The following MEGF8 variants were observed in gnomAD, a reference collection of about 807,000 sequenced individuals.
MEGF8 encodes the protein multiple epidermal growth factor-like domains protein 8.
A neutral mutation model predicts 302.9 loss-of-function variants in MEGF8; 156 were observed. The ratio of observed to expected loss-of-function variants is 0.52; its 90% CI spans 0.45 to 0.59. The LOEUF (loss-of-function observed/expected upper bound fraction) is 0.59. Among genes scored for constraint, MEGF8 ranks in the 20% least tolerant of loss-of-function variants. The pLI is 0.00. For synonymous variants in MEGF8, 1,621 were observed against 1,660.5 expected (o/e 0.98, Z 0.58); for missense variants, 3,345 against 3,964.5 (o/e 0.84, Z 4.20).
chr19:42,330,846 A>T (rs926800416), intron 1 of MEGF8, among the ~76,000 whole-genome samples: 7 of 152,154 alleles, frequency 4.6e-5, no homozygotes, highest in African/African-American at 1.4e-4. Context: ...TGGTGGTGGG[A>T]AGGGATAATA....
At chr19:42,328,590 G>GTGTGTGTGTGTGTGTGTGTGGC (rs57025235) in intron 1 of MEGF8, among the ~76,000 whole-genome samples, 1 of 151,684 alleles carries the variant, frequency 6.6e-6, no homozygotes, top group African/African-American at 2.4e-5. Flanking sequence ...GTGTGTGTGT[G>GTGTGTGTGTGTGTGTGTGTGGC]GCGAAGGGGT....
At chr19:42,341,502 A>G (rs186102631) in intron 8 of MEGF8, among the ~76,000 whole-genome samples, 7 of 151,518 alleles carry the variant, frequency 4.6e-5, no homozygotes, top group Admixed American at 1.3e-4. Context: ...AGGCCTCCCT[A>G]TGTTGCCCAG....
At chr19:42,365,520 C>T (rs1307409111) in intron 35 of MEGF8, among the ~76,000 whole-genome samples, 1 of 150,898 alleles carries the variant, frequency 6.6e-6, no homozygotes, top group Non-Finnish European at 1.5e-5. Context: ...AATCCCAACA[C>T]TTCAAGAAGC....
intron 41 of MEGF8, among the ~76,000 whole-genome samples, chr19:42,374,403 A>G (rs866735483): frequency 8.6e-5 from 13 of 150,436 alleles, no homozygotes; most frequent in African/African-American, 2.9e-4. Flanking sequence ...CCCGGGAGGC[A>G]GAGGTTGCAG....
In MEGF8 at chr19:42,352,587, C is replaced by G; in HGVS notation, c.3350+131C>G. 8.3e-7 allele frequency: 1 copy of G among 1,198,656 alleles called. No individual in the cohort carries two copies. The highest frequency in any genetic ancestry group is 2.9e-4 in the Middle Eastern group (1 of 3,482). 74.3% of individuals were successfully genotyped at this position (1,198,656 alleles called of 1,614,324 possible). A position where few individuals can be genotyped will look rare whatever the true frequency, so the allele number is the denominator to read the frequency against. On this transcript the variant is annotated intron_variant, in intron 19 of 41. Transcript: ENST00000251268. The surrounding 1 kb of genome is among the most constrained non-coding windows in gnomAD (Gnocchi z 4.4). The stretch of plus-strand genomic sequence containing the variant: ...ATCCCCAGTTAGCCAGGGGTTTTTA[C>G]CTTGCACACTAGGTCCTTATTAGAG...
rs184875627 is a variant in MEGF8, at chr19:42,366,606, C to T, written c.6274-1849C>T. The stretch of plus-strand genomic sequence containing the variant: ...TCTCATCCTCCCTCCCTCTCTTCAG[C>T]GAATTTATCATTGAGCACCTTCTTT... On this transcript the variant is annotated intron_variant, in intron 35 of 41. Transcript: ENST00000251268. Among the ~76,000 whole-genome samples the T allele has an allele frequency of 7.0e-4, 107 of 152,316 alleles. 1 individual carries two copies. The highest frequency in any genetic ancestry group is 6.6e-3 in the Admixed American group (101 of 15,298).
chr19:42,374,881 T>G (rs1183800465), intron 41 of MEGF8, among the ~76,000 whole-genome samples: 1 of 151,826 alleles, frequency 6.6e-6, no homozygotes. Flanking sequence ...AAGGCCTAGG[T>G]GAGAAGGAGG....
Position 42,356,093 on chromosome 19 carries a change from T to A in MEGF8, c.4403T>A (p.Val1468Glu), listed in dbSNP as rs2147484647. 3 of 1,586,574 alleles carry A rather than the reference T, an allele frequency of 1.9e-6. No individual in the cohort carries two copies. The highest frequency in any genetic ancestry group is 1.7e-6 in the Non-Finnish European group (2 of 1,163,854). Reference protein sequence around the residue: ...GAGTCNQSLGVCICAEGFGGP... With the variant: ...GAGTCNQSLGECICAEGFGGP... ...CTTGTCATCCCCCAGAGCCTGGGTGTGTGCATCTGTGCCGAGGGCTTCGGG... is the reference window on the plus strand; with the variant it reads ...CTTGTCATCCCCCAGAGCCTGGGTGAGTGCATCTGTGCCGAGGGCTTCGGG... Residue 1468 changes from valine (V) to glutamate (E), a missense_variant, in exon 25 of 42, where the codon GTG becomes GAG. Val to Glu is a moderately radical substitution (Grantham distance 121). Transcript: ENST00000251268. The surrounding 1 kb of genome is among the most constrained non-coding windows in gnomAD (Gnocchi z 5.2).
chr19:42,369,052 T>C lies in MEGF8; in HGVS notation c.6641+50T>C. The C allele has an allele frequency of 6.3e-7, 1 of 1,598,178 alleles. No individual in the cohort carries two copies. The highest frequency in any genetic ancestry group is 8.5e-7 in the Non-Finnish European group (1 of 1,175,156). On this transcript the variant is annotated intron_variant, in intron 37 of 41. Transcript: ENST00000251268. The surrounding 1 kb of genome is among the most constrained non-coding windows in gnomAD (Gnocchi z 5.7). Reference sequence around the variant, plus strand: ...CCAGGCAGGCTAGGGTGGGAGAGTCTGTGGGGAGCAGTAATGGATGAGGCC... The same window carrying C: ...CCAGGCAGGCTAGGGTGGGAGAGTCCGTGGGGAGCAGTAATGGATGAGGCC...
Position 42,376,566 on chromosome 19 carries a change from A to G in MEGF8, c.8329A>G (p.Met2777Val). The G allele has an allele frequency of 6.4e-7, 1 of 1,554,672 alleles. No homozygotes were observed. The highest frequency in any genetic ancestry group is 1.9e-5 in the Admixed American group (1 of 51,788). Residue 2777 changes from methionine to valine, a missense_variant, in exon 42 of 42, where the codon ATG becomes GTG. By Grantham distance (21) the Met-to-Val change is conservative. Transcript: ENST00000251268. This position sits in a 1 kb window ranked among gnomAD's most constrained non-coding sequence, Gnocchi z 8.2. ...CACTCTCGAGCCCACAGAAGATGGC[A>G]TGGCTGGCGTGGCCACACTGCTGCT... ...PITLEPTEDG[M>V]AGVATLLLQL...
chr19:42,341,585 C>T (rs760845159), intron 8 of MEGF8, among the ~76,000 whole-genome samples: 1 of 152,076 alleles, frequency 6.6e-6, no homozygotes, highest in African/African-American at 2.4e-5. Context: ...CATAGGCACA[C>T]AATACCACGC....
In MEGF8 at chr19:42,343,241, T is replaced by C. The variant is rs73554531; in HGVS notation, c.1514-236T>C. Among the ~76,000 whole-genome samples the C allele has an allele frequency of 0.021, 3,131 of 152,252 alleles. 117 individuals carry two copies. Among genetic ancestry groups the C allele is most frequent in the African/African-American group, 0.07 (2,901 of 41,550 alleles). ...GATTTGAACCCAAGTAAGTGGTAGA[T>C]GCAGGATTTGAACCCAAGTCTTTCT... On this transcript the variant is annotated intron_variant, in intron 8 of 41. Coordinates refer to ENST00000251268, the MANE Select transcript of MEGF8 (RefSeq NM_001271938.2).
Position 42,352,451 on chromosome 19 carries a change from C to A in MEGF8, c.3345C>A (p.Asn1115Lys). 6.3e-7 allele frequency: 1 copy of A among 1,592,392 alleles called. No individual in the cohort carries two copies. Among genetic ancestry groups the A allele is most frequent in the South Asian group, 1.1e-5 (1 of 88,160 alleles). ...GYQGDGISHC[N>K]RTCLEDCGHG... ...AGGGTGATGGCATCTCACACTGCAA[C>A]CGCACGTGAGTGAGGCGGGGGTTGC... Residue 1115 changes from asparagine (N) to lysine (K), a missense_variant, in exon 19 of 42, where the codon AAC becomes AAA. Coordinates refer to ENST00000251268, the MANE Select transcript of MEGF8 (RefSeq NM_001271938.2). The surrounding 1 kb of genome is among the most constrained non-coding windows in gnomAD (Gnocchi z 4.4).
In MEGF8 at chr19:42,355,762, G is replaced by A. The variant is rs1257529859; in HGVS notation, c.4149G>A (p.Leu1383=). The change falls in exon 24 of 42, where the codon CTG becomes CTA. Residue 1383 remains leucine (L), a synonymous_variant. Coordinates refer to ENST00000251268, the MANE Select transcript of MEGF8 (RefSeq NM_001271938.2). ...RPLTVQALSG[L]LVLHWEANGS... The stretch of plus-strand genomic sequence containing the variant: ...CTCTGGCCTCTCTCTTCACAGGGCT[G>A]CTCGTGCTGCACTGGGAGGCCAATG... 2 of 1,577,528 alleles carry A rather than the reference G, an allele frequency of 1.3e-6. No individual in the cohort carries two copies. The highest frequency in any genetic ancestry group is 3.6e-5 in the Admixed American group (2 of 55,086).
At position 42,326,183 on chromosome 19, in the gene MEGF8, A is replaced by G; in HGVS notation, c.-61A>G. On this transcript the variant is annotated 5_prime_UTR_variant, in exon 1 of 42. Coordinates refer to ENST00000251268, the MANE Select transcript of MEGF8 (RefSeq NM_001271938.2). ...ATTTGCAGGGCCTCACCCCGGGTAG[A>G]GGGTCCTCTCCAGGTTTTTACGGCC... The G allele has an allele frequency of 6.9e-7, 1 of 1,443,590 alleles. No individual in the cohort carries two copies. The highest frequency in any genetic ancestry group is 9.1e-7 in the Non-Finnish European group (1 of 1,104,312). The allele number at this position is 1,443,590 out of a possible 1,614,324, so 89.4% of individuals were successfully genotyped here. A position where few individuals can be genotyped will look rare whatever the true frequency, so the allele number is the denominator to read the frequency against.
rs942040487 is a variant in MEGF8, at chr19:42,352,415, G to A, written c.3309G>A (p.Gln1103=). 6.3e-7 allele frequency: 1 copy of A among 1,599,654 alleles called. No individual in the cohort carries two copies. The highest frequency in any genetic ancestry group is 2.3e-5 in the East Asian group (1 of 44,254). The change falls in exon 19 of 42, where the codon CAG becomes CAA. Residue 1103 remains glutamine, a synonymous_variant. Coordinates refer to ENST00000251268, the MANE Select transcript of MEGF8 (RefSeq NM_001271938.2). This position sits in a 1 kb window ranked among gnomAD's most constrained non-coding sequence, Gnocchi z 4.4. The part of the protein sequence containing the change: ...NTPLSYECHC[Q]RGYQGDGISH... ...CCCTCAGCTACGAGTGTCACTGCCAGCGGGGCTACCAGGGTGATGGCATCT... is the reference window on the plus strand; with the variant it reads ...CCCTCAGCTACGAGTGTCACTGCCAACGGGGCTACCAGGGTGATGGCATCT...
At chr19:42,361,962 G>A in intron 32 of MEGF8, 128 bp from the exon 33 acceptor site, 1 of 1,400,228 alleles carries the variant, frequency 7.1e-7, no homozygotes, top group Non-Finnish European at 9.6e-7. Flanking sequence ...GGTGGGGACA[G>A]CCAGGCTCAG....
intron 8 of MEGF8, among the ~76,000 whole-genome samples, chr19:42,343,142 A>G (rs1175723637): frequency 6.6e-6 from 1 of 152,204 alleles, no homozygotes; most frequent in Non-Finnish European, 1.5e-5. Flanking sequence ...TTCTTTTTAT[A>G]GAGGAGGAAA....
intron 13 of MEGF8, 30 bp from the exon 14 acceptor site, chr19:42,349,469 G>C (rs761801351): frequency 1.3e-6 from 2 of 1,594,596 alleles, no homozygotes; most frequent in Admixed American, 3.4e-5. Context: ...GGGTTCTGAG[G>C]CCCCTGCCTA....
Sources: gnomAD v4.1 joint callset for allele counts (sites outside exome capture counted in the v4.1 genomes callset) on GRCh38, gnomAD v4.1.1 for gene constraint, Gnocchi (gnomAD v3.1) non-coding constraint, MANE v1.5 for transcripts, NCBI Gene and HGNC (gene_info 2026-07-23, HGNC 2026-07-21) for gene names.